Variants in POU2F2 observed in about 807,000 individuals in gnomAD.
POU2F2 encodes POU domain, class 2, transcription factor 2.
Under a neutral mutation model 63.5 loss-of-function variants are expected in POU2F2, and 14 were observed. That is an observed-to-expected ratio of 0.22 (90% confidence interval 0.15 to 0.34). The LOEUF (loss-of-function observed/expected upper bound fraction) is 0.34, where lower values mean the gene tolerates loss of function less well. Among genes scored for constraint, POU2F2 ranks in the 10% least tolerant of loss-of-function variants. The probability of loss-of-function intolerance (pLI) is 1.00; values close to 1 mark genes in which losing one functional copy is unlikely to be tolerated. For missense variants in POU2F2, 607 were observed against 815.2 expected, an observed-to-expected ratio of 0.74 and a Z score of 3.11; for synonymous variants, 306 against 348.6, an observed-to-expected ratio of 0.88 and a Z score of 1.36.
At chr19:42,104,796 C>T (rs2077273499) in intron 5 of POU2F2, among the ~76,000 whole-genome samples, 1 of 152,116 alleles carries the variant, frequency 6.6e-6, no homozygotes, top group South Asian at 2.1e-4. Flanking sequence ...CCCAGTGTCT[C>T]ACCCCCACCC....
At position 42,188,753 on chromosome 19, in the gene POU2F2, GAGGA is replaced by G. The variant is rs1178841408; in HGVS notation, c.-70+7626_-70+7629del. ...GGAAGAAGGAAAGAAGGGAGGGAAGGAGGAAGGAAGGAAGGGAGGGAGGGAGGGA... is the reference window on the plus strand; with the variant it reads ...GGAAGAAGGAAAGAAGGGAGGGAAGGAGGAAGGAAGGGAGGGAGGGAGGGA... On this transcript the variant is annotated intron_variant, in intron 1 of 5. Coordinates refer to the POU2F2 transcript ENST00000532176. Among the ~76,000 whole-genome samples, 219 of 133,382 alleles carry G rather than the reference GAGGA, an allele frequency of 1.6e-3. 1 individual carries two copies. Among genetic ancestry groups the G allele is most frequent in the African/African-American group, 3.0e-3 (110 of 36,858 alleles). 87.5% of individuals were successfully genotyped at this position (133,382 alleles called of 152,430 possible). A position where few individuals can be genotyped will look rare whatever the true frequency, so the allele number is the denominator to read the frequency against.
chr19:42,164,219 G>C (rs986345880), intron 1 of POU2F2, among the ~76,000 whole-genome samples: 1 of 151,530 alleles, frequency 6.6e-6, no homozygotes, highest in African/African-American at 2.4e-5. Flanking sequence ...TTGAACCCAG[G>C]AGGTGGAGGT....
At chr19:42,130,093 C>T (rs1159566556) in intron 1 of POU2F2, among the ~76,000 whole-genome samples, 1 of 152,172 alleles carries the variant, frequency 6.6e-6, no homozygotes, top group Non-Finnish European at 1.5e-5. Flanking sequence ...CTGAGTGACA[C>T]ACAGCCAGCC....
upstream of POU2F2, among the ~76,000 whole-genome samples, chr19:42,176,668 C>A (rs1300120392): frequency 1.3e-5 from 2 of 150,946 alleles, no homozygotes; most frequent in Non-Finnish European, 1.5e-5. Context: ...CCCCCGCCCC[C>A]ACGTACACCT....
At chr19:42,107,048 ATAAAT>A (rs945699700) in intron 5 of POU2F2, among the ~76,000 whole-genome samples, 2 of 151,842 alleles carry the variant, frequency 1.3e-5, no homozygotes, top group Non-Finnish European at 2.9e-5. Context: ...ATAAAATAAA[ATAAAT>A]TAATTAAAAT....
rs2076895168 is a variant in POU2F2 at position 42,095,711 on chromosome 19, C to T, written c.872-18G>A. 2 of 1,611,720 alleles carry T rather than the reference C, an allele frequency of 1.2e-6. No homozygotes were observed. The highest frequency in any genetic ancestry group is 1.7e-6 in the Non-Finnish European group (2 of 1,179,822). ...CATAGTCTCTGTGCGCCGGGGGAGACGTGAGCATGAGAAGGGGCCTCCCGC... is the reference window on the plus strand; with the variant it reads ...CATAGTCTCTGTGCGCCGGGGGAGATGTGAGCATGAGAAGGGGCCTCCCGC... On this transcript the variant is annotated intron_variant, in intron 9 of 14. Transcript: ENST00000692977. The surrounding 1 kb of genome is among the most constrained non-coding windows in gnomAD (Gnocchi z 7.1).
intron 1 of POU2F2, among the ~76,000 whole-genome samples, chr19:42,174,175 C>T (rs886877686): frequency 2.0e-5 from 3 of 152,146 alleles, no homozygotes; most frequent in African/African-American, 7.2e-5. Flanking sequence ...CCCTGCTTCA[C>T]AAACCCACCC....
chr19:42,124,846 A>G (rs1448053303), intron 1 of POU2F2, among the ~76,000 whole-genome samples: 1 of 152,224 alleles, frequency 6.6e-6, no homozygotes, highest in African/African-American at 2.4e-5. Flanking sequence ...ATTACAGGAA[A>G]TTCAAAAACG....
chr19:42,117,371 G>C lies in POU2F2; in HGVS notation c.248C>G (p.Pro83Arg), dbSNP rs375033912. 12 of 1,525,022 alleles carry C rather than the reference G, an allele frequency of 7.9e-6. No homozygotes were observed. The highest frequency in any genetic ancestry group is 7.2e-5 in the Admixed American group (3 of 41,806). 94.5% of individuals were successfully genotyped at this position (1,525,022 alleles called of 1,614,324 possible). A position where few individuals can be genotyped will look rare whatever the true frequency, so the allele number is the denominator to read the frequency against. The change falls in exon 5 of 15, where the codon CCC (proline) becomes CGC (arginine). Residue 83 changes from proline to arginine, a missense_variant. This residue lies in a region of POU2F2 where 224 missense variants were observed against 264.3 expected (regional missense o/e 0.85). Transcript: ENST00000692977. The surrounding 1 kb of genome is among the most constrained non-coding windows in gnomAD (Gnocchi z 4.4). Reference sequence around the variant, plus strand: ...ACTGGGGTCTTCAGCCTTGATCTGGGGGGGAGAGAGGCAGGGTCCGGGACC... The same window carrying C: ...ACTGGGGTCTTCAGCCTTGATCTGGCGGGGAGAGAGGCAGGGTCCGGGACC... Reference protein sequence around the residue: ...FWGPGPCLSPPQIKAEDPSGD... With the variant: ...FWGPGPCLSPRQIKAEDPSGD...
At chr19:42,144,390 C>T (rs1020241647) in intron 2 of POU2F2, among the ~76,000 whole-genome samples, 1 of 152,214 alleles carries the variant, frequency 6.6e-6, no homozygotes, top group African/African-American at 2.4e-5. Context: ...CCTCACAAGG[C>T]GGGAGAAGAA....
rs1555732349 is a variant in POU2F2 at position 42,156,761 on chromosome 19, C to CG, written c.-9+3570_-9+3571insC. On this transcript the variant is annotated intron_variant, in intron 2 of 6. Transcript: ENST00000524801. This position sits in a 1 kb window ranked among gnomAD's most constrained non-coding sequence, Gnocchi z 4.1. ...GCCTGCGCCTCCCATCCCAGGGCAG[C>CG]CCCCCCGCCATACCTACACTCTTGG... The CG allele has an allele frequency of 8.0e-6, 1 of 125,440 alleles. No individual in the cohort carries two copies. Among genetic ancestry groups the CG allele is most frequent in the Non-Finnish European group, 1.9e-5 (1 of 52,748 alleles). 7.8% of individuals were successfully genotyped at this position (125,440 alleles called of 1,614,324 possible). A position where few individuals can be genotyped will look rare whatever the true frequency, so the allele number is the denominator to read the frequency against.
intron 5 of POU2F2, among the ~76,000 whole-genome samples, chr19:42,100,312 A>G (rs2077088465): frequency 6.6e-6 from 1 of 151,466 alleles, no homozygotes; most frequent in African/African-American, 2.4e-5. Context: ...GATGGTCTCA[A>G]TCTCCTGACC....
At chr19:42,111,142 G>C (rs1428195512) in intron 5 of POU2F2, among the ~76,000 whole-genome samples, 1 of 151,966 alleles carries the variant, frequency 6.6e-6, no homozygotes, top group African/African-American at 2.4e-5. Flanking sequence ...TTTGGAGACA[G>C]GGTCTTACTC....
In POU2F2 at chr19:42,117,330, C is replaced by T. The variant is rs1304329445; in HGVS notation, c.289G>A (p.Ala97Thr). ...GCCGGCTGAGGGGGCAGGGGTGCTG[C>T]TGGGGCTGAATCGCCACTGGGGTCT... ...AEDPSGDSAP[A>T]APLPPQPAQP... is the part of the protein sequence containing the mutation. Residue 97 changes from alanine (A) to threonine (T), a missense_variant, in exon 5 of 15, where the codon GCA becomes ACA. Around this residue, in one of 7 missense-constraint regions of POU2F2, gnomAD observed 224 missense variants for 264.3 expected, o/e 0.85. Transcript: ENST00000692977. This position sits in a 1 kb window ranked among gnomAD's most constrained non-coding sequence, Gnocchi z 4.4. 6.5e-7 allele frequency: 1 copy of T among 1,526,856 alleles called. No homozygotes were observed. The highest frequency in any genetic ancestry group is 1.3e-5 in the South Asian group (1 of 76,386). 94.6% of individuals were successfully genotyped at this position (1,526,856 alleles called of 1,614,324 possible).
At chr19:42,158,125 G>A (rs1255287316) in intron 2 of POU2F2, among the ~76,000 whole-genome samples, 2 of 152,210 alleles carry the variant, frequency 1.3e-5, no homozygotes. Context: ...CTTCAAAGAT[G>A]TCTCCTCAGG....
At chr19:42,173,488 C>G (rs537820649) in intron 1 of POU2F2, among the ~76,000 whole-genome samples, 1 of 151,832 alleles carries the variant, frequency 6.6e-6, no homozygotes, top group African/African-American at 2.4e-5. Context: ...CTTATAGGCC[C>G]TGCATACAAG....
At position 42,095,689 on chromosome 19, in the gene POU2F2, A is replaced by G. The variant is rs561654737; in HGVS notation, c.876T>C (p.Thr292=). Residue 292 remains threonine, a synonymous_variant, in exon 10 of 15, where the codon ACT becomes ACC. Coordinates refer to ENST00000692977, the MANE Select transcript of POU2F2 (RefSeq NM_001394376.1). This position sits in a 1 kb window ranked among gnomAD's most constrained non-coding sequence, Gnocchi z 7.1. The part of the protein sequence containing the change: ...LLEKWLNDAE[T]MSVDSSLPSP... ...TGGGCAGGCTTGAGTCCACAGACAT[A>G]GTCTCTGTGCGCCGGGGGAGACGTG... The G allele has an allele frequency of 2.1e-5, 34 of 1,611,796 alleles. No homozygotes were observed. The South Asian group carries it at 3.4e-4, about 16-fold the overall frequency.
chr19:42,197,657 C>T (rs2035167203), upstream of POU2F2, among the ~76,000 whole-genome samples: 2 of 152,128 alleles, frequency 1.3e-5, no homozygotes, highest in African/African-American at 4.8e-5. Context: ...GGCAGGAGGC[C>T]ACAACCTCAG....
chr19:42,160,614 G>A (rs2034534664), intron 1 of POU2F2, among the ~76,000 whole-genome samples: 1 of 152,182 alleles, frequency 6.6e-6, no homozygotes, highest in African/African-American at 2.4e-5. Flanking sequence ...ACTCATAAAT[G>A]GGCATACTAG....
Sources: allele counts gnomAD v4.1 joint callset (sites outside exome capture counted in the v4.1 genomes callset), GRCh38; gene constraint gnomAD v4.1.1; regional missense constraint gnomAD v4.1.1; non-coding constraint Gnocchi (gnomAD v3.1); transcripts MANE v1.5; gene names NCBI Gene and HGNC (gene_info 2026-07-23, HGNC 2026-07-21).